Variants in ZNF157 observed in about 807,000 individuals in gnomAD.
The protein encoded by ZNF157 is zinc finger protein 157, also known as zinc finger protein 22.
In ZNF157, 8 loss-of-function variants were observed where a neutral mutation model predicts 9.4. The ratio of observed to expected loss-of-function variants is 0.85; its 90% confidence interval spans 0.50 to 1.53. The LOEUF (loss-of-function observed/expected upper bound fraction) is 1.53, where lower values mean the gene tolerates loss of function less well. ZNF157 is among the 40% of genes most tolerant of loss of function. The pLI, the probability that ZNF157 is intolerant of heterozygous loss-of-function variation, is 0.00. For missense variants in ZNF157, 316 were observed against 385.2 expected, an observed-to-expected ratio of 0.82 and a Z score of 1.50; for synonymous variants, 120 against 130.8, an observed-to-expected ratio of 0.92 and a Z score of 0.56.
chrX:47,408,783 C>T (rs183289466), intron 1 of ZNF157, among the ~76,000 whole-genome samples: 1 of 111,506 alleles, frequency 9.0e-6, no homozygotes, highest in East Asian at 2.8e-4. Context: ...TCTTAAACAA[C>T]CAGATCTCAT....
intron 1 of ZNF157, among the ~76,000 whole-genome samples, chrX:47,376,624 AAC>A (rs1491019614): frequency 9.0e-6 from 1 of 111,414 alleles, no homozygotes; most frequent in Admixed American, 9.6e-5. Context: ...CTCAAAAAAA[AAC>A]AGAGAAACTT....
intron 1 of ZNF157, among the ~76,000 whole-genome samples, chrX:47,387,102 C>T (rs1298097793): frequency 9.3e-6 from 1 of 107,592 alleles, no homozygotes; most frequent in Non-Finnish European, 1.9e-5. Flanking sequence ...GGACTACAGG[C>T]GTGCACCACC....
At chrX:47,396,094 A>G (rs900663966) in intron 1 of ZNF157, among the ~76,000 whole-genome samples, 1 of 111,082 alleles carries the variant, frequency 9.0e-6, no homozygotes, top group South Asian at 3.7e-4. Context: ...CCACACACGT[A>G]TGCCTAATAA....
chrX:47,398,454 G>A (rs1457597708), intron 1 of ZNF157, among the ~76,000 whole-genome samples: 1 of 111,373 alleles, frequency 9.0e-6, no homozygotes, highest in Admixed American at 9.6e-5. Context: ...CATAACCCAT[G>A]TATTCATTCC....
intron 1 of ZNF157, among the ~76,000 whole-genome samples, chrX:47,382,776 C>T (rs1457238468): frequency 9.1e-6 from 1 of 109,782 alleles, no homozygotes; most frequent in African/African-American, 3.3e-5. Flanking sequence ...AGCTGATAGG[C>T]TTCATATGCA....
intron 1 of ZNF157, among the ~76,000 whole-genome samples, chrX:47,404,634 T>G (rs2055941384): frequency 1.8e-5 from 2 of 111,149 alleles, no homozygotes; most frequent in African/African-American, 6.5e-5. Context: ...AAAGCCTGCA[T>G]TATCTATATA....
Position 47,412,570 on chromosome X carries a change from A to C in ZNF157, c.497A>C (p.Glu166Ala), listed in dbSNP as rs755387443. ...PRGDKNFECHECGKAYCRKSN... is the reference protein window; with the variant it reads ...PRGDKNFECHACGKAYCRKSN... ...GGAGATAAAAACTTTGAATGTCATG[A>C]ATGTGGGAAAGCTTACTGTAGGAAG... Residue 166 changes from glutamate to alanine, a missense_variant, in exon 4 of 4, where the codon GAA becomes GCA. Physicochemically the swap from Glu to Ala is moderately radical, Grantham distance 107 (BLOSUM62 -1). This residue lies in a region of ZNF157 where 146 missense variants were observed against 183.8 expected (regional missense o/e 0.79). Transcript: ENST00000377073. 8.3e-7 allele frequency: 1 copy of C among 1,210,886 alleles called. No individual in the cohort carries two copies. Among genetic ancestry groups the C allele is most frequent in the African/African-American group, 1.7e-5 (1 of 57,553 alleles).
chrX:47,379,833 T>C (rs1202478947), intron 1 of ZNF157, among the ~76,000 whole-genome samples: 1 of 108,179 alleles, frequency 9.2e-6, no homozygotes, highest in Non-Finnish European at 1.9e-5. Flanking sequence ...AATGATCAGT[T>C]GGCTGTTTTT....
intron 1 of ZNF157, among the ~76,000 whole-genome samples, chrX:47,383,532 CA>C (rs1202408433): frequency 1.1e-4 from 11 of 99,898 alleles, no homozygotes; most frequent in African/African-American, 1.1e-4. Flanking sequence ...CCCATCTCTA[CA>C]AAAAAAAAAT....
chrX:47,377,952 T>C (rs1602759147), intron 1 of ZNF157, among the ~76,000 whole-genome samples: 1 of 110,155 alleles, frequency 9.1e-6, no homozygotes, highest in Non-Finnish European at 1.9e-5. Context: ...TCTTTGTACG[T>C]TTTGGATACT....
At chrX:47,393,744 T>TCC (rs1569258579) in intron 1 of ZNF157, among the ~76,000 whole-genome samples, 2 of 40,959 alleles carry the variant, frequency 4.9e-5, no homozygotes, top group African/African-American at 1.4e-4. Flanking sequence ...TCCCCCGCCC[T>TCC]TTTTTTTTTT....
In ZNF157 at chrX:47,412,920, TTTCGTG is replaced by T. The variant is rs769873442; in HGVS notation, c.849_854del (p.Phe283_Val285delinsLeu). 1.7e-6 allele frequency: 2 copies of T among 1,209,644 alleles called. No individual in the cohort carries two copies. Among genetic ancestry groups the T allele is most frequent in the Admixed American group, 4.4e-5 (2 of 45,661 alleles). On this transcript the variant is annotated inframe_deletion, in exon 4 of 4. Transcript: ENST00000377073. Reference sequence around the variant, plus strand: ...TGAATGTAGTGAATGTGGGAAAACATTTCGTGTAAAGATATCCCTTACCCAACACCA... The same window carrying T: ...TGAATGTAGTGAATGTGGGAAAACATTAAAGATATCCCTTACCCAACACCA...
At chrX:47,387,886 CAAA>C (rs781763726) in intron 1 of ZNF157, among the ~76,000 whole-genome samples, 1 of 34,535 alleles carries the variant, frequency 2.9e-5, no homozygotes, top group Non-Finnish European at 4.6e-5. Context: ...GACTCTGTCT[CAAA>C]AAAAAAAAAA....
At chrX:47,410,205 C>T in intron 1 of ZNF157, 71 bp from the exon 2 acceptor site, 1 of 1,183,919 alleles carries the variant, frequency 8.4e-7, no homozygotes, top group East Asian at 3.0e-5. Context: ...AACAGGGCTC[C>T]ATTGAGAAGA....
At chrX:47,396,913 T>C (rs1228043086) in intron 1 of ZNF157, among the ~76,000 whole-genome samples, 3 of 111,570 alleles carry the variant, frequency 2.7e-5, no homozygotes, top group Non-Finnish European at 5.6e-5. Context: ...AACTCCCCTT[T>C]ATAAAATCAT....
At chrX:47,395,445 GAC>G (rs2055910436) in intron 1 of ZNF157, among the ~76,000 whole-genome samples, 1 of 111,600 alleles carries the variant, frequency 9.0e-6, no homozygotes, top group Admixed American at 9.7e-5. Flanking sequence ...CAGTCCAACT[GAC>G]ACATCAAATT....
At position 47,410,362 on chromosome X, in the gene ZNF157, G is replaced by A; in HGVS notation, c.159G>A (p.Lys53=). Residue 53 remains lysine (K), a synonymous_variant, in exon 2 of 4, where the codon AAG becomes AAA. Coordinates refer to ENST00000377073, the MANE Select transcript of ZNF157 (RefSeq NM_003446.4). ...ACCCTGCTCAGAGGACCATGCACAA[G>A]GATGTGATGCTGGAGACCTACAGCA... is the stretch of plus-strand genomic sequence containing the variant. ...RLDPAQRTMH[K]DVMLETYSNL... is the part of the protein sequence containing the mutation. 8.3e-7 allele frequency: 1 copy of A among 1,211,689 alleles called. No individual in the cohort carries two copies.
chrX:47,392,039 G>A (rs2147407088), intron 1 of ZNF157, among the ~76,000 whole-genome samples: 1 of 109,967 alleles, frequency 9.1e-6, no homozygotes, highest in South Asian at 3.9e-4. Context: ...ACAGGCACCC[G>A]CCACCATGCC....
At chrX:47,393,204 C>T (rs2055902651) in intron 1 of ZNF157, among the ~76,000 whole-genome samples, 1 of 111,599 alleles carries the variant, frequency 9.0e-6, no homozygotes, top group Non-Finnish European at 1.9e-5. Context: ...TCTGCCTCGC[C>T]CATGCCTCTG....
Sources: allele counts gnomAD v4.1 joint callset (sites outside exome capture counted in the v4.1 genomes callset), GRCh38; gene constraint gnomAD v4.1.1; regional missense constraint gnomAD v4.1.1; transcripts MANE v1.5; gene names NCBI Gene and HGNC (gene_info 2026-07-23, HGNC 2026-07-21).